Variants in XKR9 observed in about 807,000 individuals in gnomAD.
The protein encoded by XKR9 is XK related 9.
XKR9 carries 32 observed loss-of-function variants against 32.0 expected under a neutral mutation model. The observed-to-expected ratio is 1.00, with a 90% CI of 0.76 to 1.34. The LOEUF is 1.34. XKR9 is among the 40% of genes most tolerant of loss of function. The probability of loss-of-function intolerance (pLI) is 0.00; values close to 1 mark genes in which losing one functional copy is unlikely to be tolerated. For missense variants in XKR9, 546 were observed against 429.7 expected (o/e 1.27, Z -2.39); for synonymous variants, 168 against 143.4 (o/e 1.17, Z -1.22).
chr8:70,756,554 G>T (rs1463637754), intron 2 of XKR9, among the ~76,000 whole-genome samples: 5 of 152,100 alleles, frequency 3.3e-5, no homozygotes, highest in Admixed American at 6.5e-5. Context: ...TGTTTTTATA[G>T]ATTTCAGAGT....
In XKR9 at chr8:70,706,975, A is replaced by G. The variant is rs1805738888; in HGVS notation, c.315A>G (p.Lys105=). The G allele has an allele frequency of 3.7e-6, 6 of 1,613,140 alleles. No homozygotes were observed. Among genetic ancestry groups the G allele is most frequent in the African/African-American group, 2.7e-5 (2 of 74,918 alleles). ...ALKRGYHAAF[K]YDSNTSNFVE... ...AAAGGGGTTACCATGCAGCTTTTAA[A>G]TATGACAGCAATACTAGTAACTTCG... The change falls in exon 4 of 5, where the codon AAA becomes AAG. Residue 105 remains lysine (K), a synonymous_variant. Transcript: ENST00000408926.
chr8:71,028,960 G>T, the XKR9 span, among the ~76,000 whole-genome samples: 1 of 151,936 alleles, frequency 6.6e-6, no homozygotes, highest in Non-Finnish European at 1.5e-5. Flanking sequence ...CAGTATTAAA[G>T]AGTCAAACTT....
the XKR9 span, among the ~76,000 whole-genome samples, chr8:71,013,202 A>G: frequency 1.3e-4 from 20 of 152,128 alleles, no homozygotes; most frequent in African/African-American, 4.8e-4. Flanking sequence ...GTGTAGAAAG[A>G]GTATCTAGAG....
At chr8:71,045,705 C>A in the XKR9 span, among the ~76,000 whole-genome samples, 4 of 152,196 alleles carry the variant, frequency 2.6e-5, no homozygotes, top group African/African-American at 9.7e-5. Context: ...TGGGGGAATT[C>A]TCTCCACTTC....
At chr8:70,898,263 A>T in the XKR9 span, among the ~76,000 whole-genome samples, 1 of 152,198 alleles carries the variant, frequency 6.6e-6, no homozygotes, top group Admixed American at 6.5e-5. Flanking sequence ...TCCCTATTTT[A>T]TTCCATTGAT....
the XKR9 span, among the ~76,000 whole-genome samples, chr8:71,024,510 C>G: frequency 6.6e-6 from 1 of 152,090 alleles, no homozygotes; most frequent in Non-Finnish European, 1.5e-5. Flanking sequence ...GTGGGCAGGG[C>G]TCTTAAAATG....
the XKR9 span, among the ~76,000 whole-genome samples, chr8:70,813,270 A>T: frequency 6.6e-6 from 1 of 152,112 alleles, no homozygotes; most frequent in African/African-American, 2.4e-5. Context: ...ATCCCTTCTT[A>T]ACACCTTATA....
chr8:70,896,864 C>G, the XKR9 span, among the ~76,000 whole-genome samples: 2 of 151,998 alleles, frequency 1.3e-5, no homozygotes, highest in African/African-American at 4.8e-5. Context: ...AAGCATTTAT[C>G]CTTTATGTTA....
At chr8:71,044,416 G>A in the XKR9 span, among the ~76,000 whole-genome samples, 1 of 152,126 alleles carries the variant, frequency 6.6e-6, no homozygotes, top group East Asian at 1.9e-4. Flanking sequence ...AAGATGCTGG[G>A]AAAGATTAAA....
chr8:70,984,869 G>C, the XKR9 span, among the ~76,000 whole-genome samples: 1 of 152,184 alleles, frequency 6.6e-6, no homozygotes, highest in Non-Finnish European at 1.5e-5. Flanking sequence ...TTAATGGAAA[G>C]TCTGTAAAAT....
At chr8:70,990,733 AAGAGAG>A in the XKR9 span, among the ~76,000 whole-genome samples, 3,282 of 143,232 alleles carry the variant, frequency 0.023, 109 homozygotes, top group African/African-American at 0.075. Flanking sequence ...TTGGCAGAAT[AAGAGAG>A]AGAGAGAGAG....
At chr8:71,028,049 T>C in the XKR9 span, among the ~76,000 whole-genome samples, 28 of 152,308 alleles carry the variant, frequency 1.8e-4, no homozygotes, top group African/African-American at 6.7e-4. Context: ...ACTGGGATTA[T>C]AGCTGTGAGC....
intron 2 of XKR9, among the ~76,000 whole-genome samples, chr8:70,754,673 T>C (rs1421594994): frequency 1.3e-5 from 2 of 151,590 alleles, no homozygotes; most frequent in East Asian, 3.9e-4. Flanking sequence ...AAGGATTCCC[T>C]ATTTAATAAA....
intron 2 of XKR9, among the ~76,000 whole-genome samples, chr8:70,755,352 G>T (rs565346647): frequency 6.6e-6 from 1 of 152,134 alleles, no homozygotes; most frequent in African/African-American, 2.4e-5. Context: ...TCAGTGTGGC[G>T]ATTCCTCAGG....
In XKR9 at chr8:70,725,638, G is replaced by A. The variant is rs555091564; in HGVS notation, c.494-8158G>A. ...AAAGTTCATGGGGCTGGGTGTGGTG[G>A]CTCATGGCTGTAATCCCAGCACTTT... On this transcript the variant is annotated intron_variant, in intron 4 of 4. Coordinates refer to ENST00000408926, the MANE Select transcript of XKR9 (RefSeq NM_001011720.2). Among the ~76,000 whole-genome samples, 6 of 152,284 alleles carry A rather than the reference G, an allele frequency of 3.9e-5. No homozygotes were observed. In the East Asian group the frequency reaches 1.2e-3, roughly 29 times the overall value.
At chr8:70,805,047 T>G in the XKR9 span, among the ~76,000 whole-genome samples, 1 of 152,152 alleles carries the variant, frequency 6.6e-6, no homozygotes, top group Non-Finnish European at 1.5e-5. Context: ...AGAACCATAA[T>G]AAGCATGTAA....
intron 1 of XKR9, among the ~76,000 whole-genome samples, chr8:70,670,343 GTAT>G (rs1818669995): frequency 6.6e-6 from 1 of 152,158 alleles, no homozygotes; most frequent in African/African-American, 2.4e-5. Context: ...TATCAGCCAA[GTAT>G]TAACTATCCA....
At chr8:70,888,478 T>C in the XKR9 span, among the ~76,000 whole-genome samples, 2 of 152,050 alleles carry the variant, frequency 1.3e-5, no homozygotes, top group African/African-American at 2.4e-5. Context: ...ATTACTCTAT[T>C]TTTGCTTTTG....
At chr8:70,749,769 G>A (rs1807111780) in intron 2 of XKR9, among the ~76,000 whole-genome samples, 1 of 152,244 alleles carries the variant, frequency 6.6e-6, no homozygotes, top group Non-Finnish European at 1.5e-5. Flanking sequence ...GCTGGCCACA[G>A]AGGGTTTCTG....
Sources: allele counts gnomAD v4.1 joint callset (sites outside exome capture counted in the v4.1 genomes callset), GRCh38; gene constraint gnomAD v4.1.1; transcripts MANE v1.5; gene names NCBI Gene and HGNC (gene_info 2026-07-23, HGNC 2026-07-21).